Variants in SYNE1 observed in about 807,000 individuals in gnomAD.
SYNE1 encodes the protein nesprin-1.
Under a neutral mutation model 1,111.0 loss-of-function variants are expected in SYNE1, and 616 were observed. The observed-to-expected ratio is 0.55, with a 90% CI of 0.52 to 0.59. The LOEUF (loss-of-function observed/expected upper bound fraction) is 0.59. SYNE1 is among the 20% of genes least tolerant of loss of function. The pLI is 0.00. For missense variants in SYNE1, 10,006 were observed against 10,417.0 expected, an observed-to-expected ratio of 0.96 and a Z score of 1.72; for synonymous variants, 3,855 against 3,825.8, an observed-to-expected ratio of 1.01 and a Z score of -0.28.
chr6:152,355,486 C>T (rs1313119178), intron 66 of SYNE1, among the ~76,000 whole-genome samples: 1 of 152,182 alleles, frequency 6.6e-6, no homozygotes, highest in Non-Finnish European at 1.5e-5. Flanking sequence ...CTGGAGAGTG[C>T]AGGGCACACA....
At chr6:152,329,137 T>G (rs531114440) in intron 78 of SYNE1, among the ~76,000 whole-genome samples, 9 of 152,324 alleles carry the variant, frequency 5.9e-5, no homozygotes, top group South Asian at 2.1e-4. Flanking sequence ...ATTTATCATC[T>G]CTTTTAAGGT....
chr6:152,419,372 G>A (rs1269478656), intron 40 of SYNE1, among the ~76,000 whole-genome samples, 197 bp downstream of exon 40: 1 of 152,162 alleles, frequency 6.6e-6, no homozygotes, highest in Non-Finnish European at 1.5e-5. Context: ...TTTATCTGAA[G>A]TGGCTTTATC....
At chr6:152,321,664 A>T (rs1177255558) in intron 83 of SYNE1, 57 bp downstream of exon 83, 2 of 1,603,876 alleles carry the variant, frequency 1.2e-6, no homozygotes, top group Non-Finnish European at 1.7e-6. Context: ...TTCAACTAAA[A>T]TCAGGGCAAT....
chr6:152,427,886 G>A lies in SYNE1; in HGVS notation c.4977-70C>T, dbSNP rs1049849445. The A allele has an allele frequency of 9.3e-6, 15 of 1,605,836 alleles. No individual in the cohort carries two copies. In the African/African-American group the frequency reaches 1.5e-4, roughly 16 times the overall value. On this transcript the variant is annotated intron_variant, in intron 37 of 145. Transcript: ENST00000367255. ...TGCTAGCAGATTAAACCTTTGTGAA[G>A]TTGGAGGGTCCAACACAAACCATAG...
At chr6:152,596,581 TTTA>T (rs1174951000) in intron 3 of SYNE1, among the ~76,000 whole-genome samples, 1 of 152,192 alleles carries the variant, frequency 6.6e-6, no homozygotes, top group Non-Finnish European at 1.5e-5. Context: ...TTTTAACTTT[TTTA>T]TTATTATTCT....
chr6:152,128,753 A>C (rs1562869544), intron 145 of SYNE1: 1 of 152,244 alleles, frequency 6.6e-6, no homozygotes, highest in East Asian at 1.9e-4. Flanking sequence ...GGACCAGTGC[A>C]AGATTAAACA....
intron 3 of SYNE1, among the ~76,000 whole-genome samples, chr6:152,565,218 C>T (rs1338829533): frequency 2.7e-5 from 4 of 150,504 alleles, no homozygotes; most frequent in Non-Finnish European, 5.9e-5. Flanking sequence ...AAGAGGGCCT[C>T]TTGTGGAATT....
intron 74 of SYNE1, among the ~76,000 whole-genome samples, chr6:152,340,464 G>C (rs1041173467): frequency 6.6e-6 from 1 of 152,126 alleles, no homozygotes; most frequent in African/African-American, 2.4e-5. Flanking sequence ...TTGCTAGAAC[G>C]TCAGCAGCAT....
chr6:152,573,764 T>G (rs2099483402), intron 3 of SYNE1, among the ~76,000 whole-genome samples: 1 of 152,204 alleles, frequency 6.6e-6, no homozygotes, highest in Non-Finnish European at 1.5e-5. Flanking sequence ...TTAGGTTAAT[T>G]ATTTTTTAAA....
intron 14 of SYNE1, among the ~76,000 whole-genome samples, chr6:152,479,244 G>A (rs1169534570): frequency 6.6e-6 from 1 of 152,088 alleles, no homozygotes; most frequent in Non-Finnish European, 1.5e-5. Context: ...TCATCTCTAG[G>A]TTACTGAAGT....
chr6:152,395,756 T>C lies in SYNE1; in HGVS notation c.7557-85A>G, dbSNP rs898811665. The C allele has an allele frequency of 8.3e-5, 120 of 1,448,584 alleles. No individual in the cohort carries two copies. In the African/African-American group the frequency reaches 1.6e-3, roughly 19 times the overall value. 89.7% of individuals were successfully genotyped at this position (1,448,584 alleles called of 1,614,324 possible). On this transcript the variant is annotated intron_variant, in intron 50 of 145. Transcript: ENST00000367255. ...TAATAGCTGAGGTCACAATGTCTTT[T>C]AAATGGCAATTAAGACCTCATGAAT...
At chr6:152,454,389 C>G (rs2098678880) in intron 24 of SYNE1, among the ~76,000 whole-genome samples, 1 of 152,152 alleles carries the variant, frequency 6.6e-6, no homozygotes, top group African/African-American at 2.4e-5. Flanking sequence ...AGGAGGGACA[C>G]CAGAAAGCTT....
At chr6:152,268,316 C>A in intron 99 of SYNE1, 151 bp from the exon 100 acceptor site, 23 of 615,090 alleles carry the variant, frequency 3.7e-5, no homozygotes, top group East Asian at 6.4e-5. Context: ...TGTAAATATT[C>A]AAATGTGTCT....
chr6:152,253,851 T>G (rs1371317622), intron 104 of SYNE1, among the ~76,000 whole-genome samples: 2 of 107,868 alleles, frequency 1.9e-5, no homozygotes, highest in African/African-American at 4.1e-5. Context: ...TTTTTTTTTT[T>G]TTTTTTTTTG....
At chr6:152,213,382 A>G (rs577935117) in intron 123 of SYNE1, among the ~76,000 whole-genome samples, 1 of 152,324 alleles carries the variant, frequency 6.6e-6, no homozygotes, top group Admixed American at 6.5e-5. Flanking sequence ...ATACTTTACA[A>G]GGAACTGAAG....
rs557656738 is a variant in SYNE1 at position 152,255,852 on chromosome 6, C to A, written c.19105-106G>T. 1,188 of 1,299,062 alleles carry A rather than the reference C, an allele frequency of 9.1e-4. 5 individuals carry two copies. The African/African-American group carries it at 0.012, about 13-fold the overall frequency. 80.5% of individuals were successfully genotyped at this position (1,299,062 alleles called of 1,614,324 possible). ...AGTGCTCACACCTGTAATCTGAGCA[C>A]TTTGGTAGCCCAAAGCAGACAGATC... On this transcript the variant is annotated intron_variant, in intron 102 of 145. Transcript: ENST00000367255.
chr6:152,188,460 A>G (rs1032304572), intron 128 of SYNE1, among the ~76,000 whole-genome samples: 9 of 152,194 alleles, frequency 5.9e-5, no homozygotes, highest in African/African-American at 1.9e-4. Context: ...TAATAAATGA[A>G]TAAAGTATGA....
chr6:152,619,057 C>T (rs1306057763), intron 3 of SYNE1, among the ~76,000 whole-genome samples: 2 of 152,058 alleles, frequency 1.3e-5, no homozygotes, highest in African/African-American at 4.8e-5. Context: ...CACACACACA[C>T]ACACACACAC....
At chr6:152,244,693 T>A (rs771859471) in intron 105 of SYNE1, 37 bp from the exon 106 acceptor site, 1 of 1,613,172 alleles carries the variant, frequency 6.2e-7, no homozygotes, top group Admixed American at 1.7e-5. Context: ...AAAACTCCCA[T>A]GAACAATTTC....
Sources: allele counts gnomAD v4.1 joint callset (sites outside exome capture counted in the v4.1 genomes callset), GRCh38; gene constraint gnomAD v4.1.1; transcripts MANE v1.5; gene names NCBI Gene and HGNC (gene_info 2026-07-23, HGNC 2026-07-21).